Variants in UNC5D observed in about 807,000 individuals in gnomAD.
The protein encoded by UNC5D is unc-5 netrin receptor D, also known as netrin receptor UNC5D.
Under a neutral mutation model 105.4 loss-of-function variants are expected in UNC5D, and 39 were observed. The ratio of observed to expected loss-of-function variants is 0.37; its 90% CI spans 0.29 to 0.48. The LOEUF (loss-of-function observed/expected upper bound fraction) is 0.48, where lower values mean the gene tolerates loss of function less well. UNC5D is among the 20% of genes least tolerant of loss of function. The pLI is 0.98. For missense variants in UNC5D, 991 were observed against 1,202.4 expected (o/e 0.82, Z 2.60); for synonymous variants, 452 against 450.4 (o/e 1.00, Z -0.04).
intron 1 of UNC5D, among the ~76,000 whole-genome samples, chr8:35,535,121 T>A (rs940243068): frequency 2.0e-5 from 3 of 152,138 alleles, no homozygotes; most frequent in African/African-American, 7.2e-5. Flanking sequence ...GCCAACAAAA[T>A]TAAGTGCTTG....
At chr8:35,271,734 C>T (rs987281837) in intron 1 of UNC5D, among the ~76,000 whole-genome samples, 3 of 121,178 alleles carry the variant, frequency 2.5e-5, no homozygotes, top group African/African-American at 6.5e-5. Context: ...TACATGTATA[C>T]ATATATATTT....
chr8:35,246,928 A>C (rs1803139518), intron 1 of UNC5D, among the ~76,000 whole-genome samples: 1 of 152,076 alleles, frequency 6.6e-6, no homozygotes, highest in African/African-American at 2.4e-5. Flanking sequence ...GCAAAGAAAA[A>C]CAATCATAAA....
At chr8:35,407,050 T>C (rs1405369341) in intron 1 of UNC5D, among the ~76,000 whole-genome samples, 1 of 152,156 alleles carries the variant, frequency 6.6e-6, no homozygotes, top group Non-Finnish European at 1.5e-5. Context: ...TGCAAGATTG[T>C]AATACTGTAT....
intron 4 of UNC5D, among the ~76,000 whole-genome samples, chr8:35,663,053 C>T (rs1216564931): frequency 6.6e-6 from 1 of 152,180 alleles, no homozygotes; most frequent in Non-Finnish European, 1.5e-5. Context: ...CTTCCCCCAC[C>T]CCAGGTCCGT....
chr8:35,562,528 A>C (rs1817036027), intron 2 of UNC5D, among the ~76,000 whole-genome samples: 1 of 152,058 alleles, frequency 6.6e-6, no homozygotes, highest in South Asian at 2.1e-4. Context: ...AAAACATTTT[A>C]ACTGGGGTGA....
In UNC5D at chr8:35,514,935, G is replaced by A. The variant is rs549930965; in HGVS notation, c.104-34357G>A. On this transcript the variant is annotated intron_variant, in intron 1 of 16. Transcript: ENST00000404895. ...ATTTGATGAGAAGGATTATGTTGCC[G>A]GCTCTGAAAGTTTATACTGTGGATC... Among the ~76,000 whole-genome samples, 12 of 152,242 alleles carry A rather than the reference G, an allele frequency of 7.9e-5. No individual in the cohort carries two copies. The South Asian group carries it at 1.9e-3, about 24-fold the overall frequency.
chr8:35,290,682 T>A (rs1806985882), intron 1 of UNC5D, among the ~76,000 whole-genome samples: 1 of 151,998 alleles, frequency 6.6e-6, no homozygotes, highest in African/African-American at 2.4e-5. Flanking sequence ...GGCGCGGTGG[T>A]TCATGCCTGT....
intron 9 of UNC5D, among the ~76,000 whole-genome samples, chr8:35,722,741 G>A (rs1374301265): frequency 1.3e-5 from 2 of 152,066 alleles, no homozygotes; most frequent in African/African-American, 4.8e-5. Flanking sequence ...CCAAAGTATT[G>A]GTCATTCAAG....
At chr8:35,725,547 A>T (rs1190422015) in intron 9 of UNC5D, among the ~76,000 whole-genome samples, 1 of 151,956 alleles carries the variant, frequency 6.6e-6, no homozygotes, top group African/African-American at 2.4e-5. Context: ...GAGTTATTAG[A>T]GCAAATTGGC....
At chr8:35,451,975 A>C (rs975913564) in intron 1 of UNC5D, among the ~76,000 whole-genome samples, 23 of 152,162 alleles carry the variant, frequency 1.5e-4, no homozygotes, top group Non-Finnish European at 3.2e-4. Context: ...TCCCATGCCT[A>C]GGCAATAAGC....
intron 1 of UNC5D, among the ~76,000 whole-genome samples, chr8:35,424,832 C>A (rs565027357): frequency 6.6e-5 from 10 of 152,198 alleles, no homozygotes; most frequent in Non-Finnish European, 1.3e-4. Flanking sequence ...CAGTATGTAA[C>A]GTATTTATAG....
chr8:35,456,164 C>A (rs1808479617), intron 1 of UNC5D, among the ~76,000 whole-genome samples: 1 of 152,112 alleles, frequency 6.6e-6, no homozygotes, highest in Admixed American at 6.6e-5. Flanking sequence ...TTCATTAGAA[C>A]ATTACCTGGC....
chr8:35,568,308 G>C, intron 3 of UNC5D, 67 bp downstream of exon 3: 1 of 1,553,170 alleles, frequency 6.4e-7, no homozygotes, highest in South Asian at 1.2e-5. Context: ...GCTGAAGAGA[G>C]GTTTTACAGA....
At chr8:35,493,281 C>CA (rs35199794) in intron 1 of UNC5D, among the ~76,000 whole-genome samples, 4,708 of 65,170 alleles carry the variant, frequency 0.072, 98 homozygotes, top group Non-Finnish European at 0.099. Context: ...AGTCTGTGAC[C>CA]AAAAAAAAAA....
intron 1 of UNC5D, among the ~76,000 whole-genome samples, chr8:35,377,023 A>T (rs1802738392): frequency 6.6e-6 from 1 of 152,064 alleles, no homozygotes; most frequent in African/African-American, 2.4e-5. Flanking sequence ...CTCCTTGCAT[A>T]TTTAATTTAC....
chr8:35,410,956 T>C (rs1805123986), intron 1 of UNC5D, among the ~76,000 whole-genome samples: 1 of 152,080 alleles, frequency 6.6e-6, no homozygotes, highest in African/African-American at 2.4e-5. Flanking sequence ...AGCTTAAATA[T>C]TTGATTTGAG....
At chr8:35,567,253 A>G (rs1157708278) in intron 2 of UNC5D, among the ~76,000 whole-genome samples, 2 of 152,164 alleles carry the variant, frequency 1.3e-5, no homozygotes, top group African/African-American at 4.8e-5. Context: ...GTTTATGTGT[A>G]CTGCTATGAT....
Position 35,486,504 on chromosome 8 carries a change from T to C in UNC5D, c.104-62788T>C, listed in dbSNP as rs564925743. The stretch of plus-strand genomic sequence containing the variant: ...AGGACACTTAGGAGGATTTGAACCT[T>C]TAAAAATTGAAACTTAGAGTCAAGT... On this transcript the variant is annotated intron_variant, in intron 1 of 16. Coordinates refer to ENST00000404895, the MANE Select transcript of UNC5D (RefSeq NM_080872.4). Among the ~76,000 whole-genome samples the C allele has an allele frequency of 2.6e-5, 4 of 152,322 alleles. No individual in the cohort carries two copies. The South Asian group carries it at 8.3e-4, about 32-fold the overall frequency.
At chr8:35,707,877 G>A (rs796766046) in intron 8 of UNC5D, among the ~76,000 whole-genome samples, 9 of 152,016 alleles carry the variant, frequency 5.9e-5, no homozygotes, top group Admixed American at 3.3e-4. Flanking sequence ...ATACTGCAAC[G>A]GAATCGCTTA....
Sources: gnomAD v4.1 joint callset for allele counts (sites outside exome capture counted in the v4.1 genomes callset) on GRCh38, gnomAD v4.1.1 for gene constraint, MANE v1.5 for transcripts, NCBI Gene and HGNC (gene_info 2026-07-23, HGNC 2026-07-21) for gene names.